HECW2: variants seen among roughly 807,000 people sequenced by gnomAD.
HECW2 encodes E3 ubiquitin-protein ligase HECW2.
In HECW2, 61 loss-of-function variants were observed where a neutral mutation model predicts 175.2. The ratio of observed to expected loss-of-function variants is 0.35; its 90% CI spans 0.28 to 0.43. The LOEUF (loss-of-function observed/expected upper bound fraction) is 0.43, where lower values mean the gene tolerates loss of function less well. Among genes scored for constraint, HECW2 ranks in the 20% least tolerant of loss-of-function variants. The probability of loss-of-function intolerance (pLI) is 1.00; values close to 1 mark genes in which losing one functional copy is unlikely to be tolerated. For synonymous variants in HECW2, 671 were observed against 731.0 expected (o/e 0.92, Z 1.32); for missense variants, 1,524 against 2,000.5 (o/e 0.76, Z 4.54).
chr2:196,405,686 T>C (rs1317781933), intron 2 of HECW2, among the ~76,000 whole-genome samples: 1 of 152,214 alleles, frequency 6.6e-6, no homozygotes, highest in East Asian at 1.9e-4. Flanking sequence ...ATCATATTCA[T>C]TAATGTGCAA....
chr2:196,296,616 C>T (rs773152364), intron 13 of HECW2, among the ~76,000 whole-genome samples: 2 of 152,132 alleles, frequency 1.3e-5, no homozygotes, highest in South Asian at 2.1e-4. Flanking sequence ...AAGCCCTGTG[C>T]TAAACCCTGA....
rs772031102 is a variant in HECW2 at position 196,278,491 on chromosome 2, T to C, written c.3135+37A>G. On this transcript the variant is annotated intron_variant, in intron 15 of 28. Transcript: ENST00000644978. ...AACCATCACATACTAGAAGCTTCTA[T>C]CAACCAACAGGTCAGTCCCCAAAAC... The C allele has an allele frequency of 3.6e-5, 57 of 1,596,862 alleles. No individual in the cohort carries two copies. The East Asian group carries it at 4.3e-4, about 12-fold the overall frequency.
At chr2:196,385,920 G>T (rs998766191) in intron 2 of HECW2, among the ~76,000 whole-genome samples, 5 of 152,058 alleles carry the variant, frequency 3.3e-5, no homozygotes, top group Admixed American at 6.5e-5. Flanking sequence ...CTCATTTAAT[G>T]TGAAAAATGT....
Position 196,322,372 on chromosome 2 carries a change from T to G in HECW2, c.884+106A>C, listed in dbSNP as rs888756411. 6.3e-6 allele frequency: 5 copies of G among 793,076 alleles called. No individual in the cohort carries two copies. In the African/African-American group the frequency reaches 8.7e-5, roughly 14 times the overall value. 49.1% of individuals were successfully genotyped at this position (793,076 alleles called of 1,614,324 possible). ...ACTTTTATTTTTAAAAGAATTGTGT[T>G]ACTACTTCTTATCAGTATGAAAAGT... On this transcript the variant is annotated intron_variant, in intron 7 of 28. Transcript: ENST00000644978.
rs763175089 is a variant in HECW2 at position 196,319,761 on chromosome 2, C to T, written c.1129G>A (p.Ala377Thr). The T allele has an allele frequency of 2.5e-6, 4 of 1,614,164 alleles. No homozygotes were observed. Among genetic ancestry groups the T allele is most frequent in the Non-Finnish European group, 3.4e-6 (4 of 1,180,030 alleles). ...GAATGCTTGGGGGTTCCATCGGCAG[C>T]ACTGTCCTCAGAAACTGGCCCATTA... ...CSNGPVSEDS[A>T]ADGTPKHSFR... Residue 377 changes from alanine to threonine, a missense_variant, in exon 9 of 29, where the codon GCT (alanine) becomes ACT (threonine). Physicochemically the swap from Ala to Thr is moderately conservative, Grantham distance 58. Around this residue, in one of 11 missense-constraint regions of HECW2, gnomAD observed 604 missense variants for 588.3 expected, o/e 1.03. Coordinates refer to ENST00000644978, the MANE Select transcript of HECW2 (RefSeq NM_001348768.2).
chr2:196,387,209 T>G (rs955522826), intron 2 of HECW2, among the ~76,000 whole-genome samples: 9 of 152,282 alleles, frequency 5.9e-5, no homozygotes, highest in Admixed American at 2.0e-4. Flanking sequence ...ATGATCTCCA[T>G]TAGTTAGAAT....
intron 13 of HECW2, among the ~76,000 whole-genome samples, chr2:196,295,309 C>T (rs773735825): frequency 1.3e-5 from 2 of 152,158 alleles, no homozygotes; most frequent in African/African-American, 2.4e-5. Context: ...AACCTAACTT[C>T]AGCTAAGTAA....
intron 21 of HECW2, among the ~76,000 whole-genome samples, chr2:196,232,493 T>C (rs1212710203): frequency 6.6e-6 from 1 of 152,220 alleles, no homozygotes; most frequent in Non-Finnish European, 1.5e-5. Context: ...TTTGATGCTT[T>C]CTAAAGAAAA....
intron 21 of HECW2, among the ~76,000 whole-genome samples, chr2:196,231,765 G>A (rs544856000): frequency 8.4e-4 from 15 of 17,820 alleles, no homozygotes; most frequent in African/African-American, 1.7e-3. Flanking sequence ...GAGGCAGACG[G>A]ATCACAAGGT....
intron 19 of HECW2, among the ~76,000 whole-genome samples, chr2:196,249,582 A>G (rs1469456343): frequency 6.7e-6 from 1 of 149,508 alleles, no homozygotes; most frequent in African/African-American, 2.6e-5. Context: ...TTATAGTCAC[A>G]AGGAGGATCA....
chr2:196,394,587 A>AAC, intron 2 of HECW2, among the ~76,000 whole-genome samples: 1 of 151,888 alleles, frequency 6.6e-6, no homozygotes, highest in East Asian at 1.9e-4. Context: ...CGATCTCTCC[A>AAC]ATCCTGTCTC....
At chr2:196,466,738 A>T (rs1696970115) in intron 1 of HECW2, among the ~76,000 whole-genome samples, 1 of 152,210 alleles carries the variant, frequency 6.6e-6, no homozygotes, top group Non-Finnish European at 1.5e-5. Context: ...TCTCCAGGGG[A>T]ATTACTGAAT....
chr2:196,241,972 C>T (rs1314145317), intron 20 of HECW2, 112 bp downstream of exon 20: 8 of 917,686 alleles, frequency 8.7e-6, no homozygotes, highest in East Asian at 2.5e-5. Flanking sequence ...ATAATTATGC[C>T]GACTAAAATG....
At chr2:196,463,949 T>C (rs192235759) in intron 1 of HECW2, among the ~76,000 whole-genome samples, 1 of 152,134 alleles carries the variant, frequency 6.6e-6, no homozygotes, top group South Asian at 2.1e-4. Context: ...TTGATCTACT[T>C]TCCCATTCTC....
intron 1 of HECW2, among the ~76,000 whole-genome samples, chr2:196,559,680 A>T (rs1048009822): frequency 1.3e-5 from 2 of 152,204 alleles, no homozygotes; most frequent in African/African-American, 4.8e-5. Context: ...TCGACAATTT[A>T]GCCACCTTTA....
At chr2:196,482,036 G>A (rs1686859499) in intron 1 of HECW2, among the ~76,000 whole-genome samples, 1 of 152,176 alleles carries the variant, frequency 6.6e-6, no homozygotes, top group Non-Finnish European at 1.5e-5. Context: ...AAAAATGTGA[G>A]TTTCCTTGCT....
intron 2 of HECW2, among the ~76,000 whole-genome samples, chr2:196,358,470 G>A (rs1020972116): frequency 6.6e-6 from 1 of 151,332 alleles, no homozygotes; most frequent in Admixed American, 6.6e-5. Context: ...AGCTACTTGG[G>A]AGGCTGAGGC....
chr2:196,250,929 T>C (rs1248801201), intron 19 of HECW2, among the ~76,000 whole-genome samples: 1 of 152,232 alleles, frequency 6.6e-6, no homozygotes, highest in African/African-American at 2.4e-5. Context: ...TCACCAATCA[T>C]GATCCGGTTT....
At chr2:196,280,112 GA>G (rs1250471530) in intron 14 of HECW2, among the ~76,000 whole-genome samples, 4 of 152,184 alleles carry the variant, frequency 2.6e-5, no homozygotes, top group African/African-American at 9.6e-5. Context: ...AGTACAATTA[GA>G]AATTGTAAGT....
Sources: allele counts gnomAD v4.1 joint callset (sites outside exome capture counted in the v4.1 genomes callset), GRCh38; gene constraint gnomAD v4.1.1; regional missense constraint gnomAD v4.1.1; transcripts MANE v1.5; gene names NCBI Gene and HGNC (gene_info 2026-07-23, HGNC 2026-07-21).